DKK3: variants seen among roughly 807,000 people sequenced by gnomAD.
The protein encoded by DKK3 is dickkopf-related protein 3.
In DKK3, 22 loss-of-function variants were observed where a neutral mutation model predicts 33.2. That is an observed-to-expected ratio of 0.66 (90% CI 0.47 to 0.95). The LOEUF (loss-of-function observed/expected upper bound fraction) is 0.95, where lower values mean the gene tolerates loss of function less well. Ranked by LOEUF, DKK3 falls within the 40% of genes least tolerant of loss-of-function variation. The pLI, the probability that DKK3 is intolerant of heterozygous loss-of-function variation, is 0.00. For synonymous variants in DKK3, 194 were observed against 188.8 expected (o/e 1.03, Z -0.23); for missense variants, 398 against 458.4 (o/e 0.87, Z 1.20).
intron 3 of DKK3, among the ~76,000 whole-genome samples, chr11:11,988,705 T>C (rs1848123493): frequency 6.6e-6 from 1 of 152,100 alleles, no homozygotes; most frequent in African/African-American, 2.4e-5. Context: ...GTGGGGCTCA[T>C]AAAGGAGGGT....
At chr11:11,998,802 A>C (rs1392696975) in intron 2 of DKK3, 23 bp from the exon 3 acceptor site, 5 of 1,587,848 alleles carry the variant, frequency 3.1e-6, no homozygotes, top group East Asian at 4.5e-5. Flanking sequence ...AGGTACAATG[A>C]AAGTAAAATA....
At chr11:11,994,457 C>T (rs1661395706) in intron 3 of DKK3, among the ~76,000 whole-genome samples, 1 of 152,142 alleles carries the variant, frequency 6.6e-6, no homozygotes, top group South Asian at 2.1e-4. Flanking sequence ...GGAAGGGCTG[C>T]ATTTCCTGGG....
intron 3 of DKK3, among the ~76,000 whole-genome samples, chr11:11,985,429 G>C (rs1471870544): frequency 6.6e-6 from 1 of 152,128 alleles, no homozygotes; most frequent in Non-Finnish European, 1.5e-5. Flanking sequence ...CTGTAAAATG[G>C]GCATGATAAA....
At chr11:11,966,790 C>T (rs575752193) in intron 5 of DKK3, among the ~76,000 whole-genome samples, 164 bp downstream of exon 5, 7 of 152,262 alleles carry the variant, frequency 4.6e-5, no homozygotes, top group African/African-American at 1.2e-4. Context: ...CTTCCCACTC[C>T]GGGCAGAGGC....
chr11:11,965,542 T>C lies in DKK3; in HGVS notation c.830+267A>G, dbSNP rs142548699. 7.5e-3 allele frequency among the ~76,000 whole-genome samples: 1,140 copies of C among 152,230 alleles called. 18 individuals are homozygous for C. The highest frequency in any genetic ancestry group is 0.026 in the African/African-American group (1,095 of 41,538). On this transcript the variant is annotated intron_variant, in intron 6 of 6. Coordinates refer to ENST00000683431, the MANE Select transcript of DKK3 (RefSeq NM_001018057.2). ...GAGCCCAGGCTTTTCTCCCTCCATGTCCTCTCCATGGACCATCCACTCATG... is the reference window on the plus strand; with the variant it reads ...GAGCCCAGGCTTTTCTCCCTCCATGCCCTCTCCATGGACCATCCACTCATG...
chr11:11,994,514 G>A (rs532630716), intron 3 of DKK3: 1 of 152,238 alleles, frequency 6.6e-6, no homozygotes, highest in Admixed American at 6.5e-5. Flanking sequence ...GTCTCCCCAG[G>A]AGGCAGATCC....
chr11:11,970,789 G>A (rs1037970541), intron 3 of DKK3, among the ~76,000 whole-genome samples: 16 of 152,348 alleles, frequency 1.1e-4, no homozygotes, highest in Admixed American at 9.1e-4. Flanking sequence ...GGGCCAAGGA[G>A]CAGAATCTCT....
intron 2 of DKK3, among the ~76,000 whole-genome samples, chr11:12,001,238 G>A (rs1045993178): frequency 6.6e-6 from 1 of 152,178 alleles, no homozygotes; most frequent in African/African-American, 2.4e-5. Flanking sequence ...CAATGCCAAA[G>A]GATTATGTTC....
At chr11:11,975,643 G>A (rs1229194799) in intron 3 of DKK3, among the ~76,000 whole-genome samples, 2 of 152,208 alleles carry the variant, frequency 1.3e-5, no homozygotes, top group African/African-American at 4.8e-5. Context: ...AGTCAGCAGT[G>A]TGGGTGAAGT....
At chr11:11,982,123 C>A (rs1249986658) in intron 3 of DKK3, among the ~76,000 whole-genome samples, 1 of 152,138 alleles carries the variant, frequency 6.6e-6, no homozygotes, top group African/African-American at 2.4e-5. Context: ...CAATGAACAG[C>A]AGACATCTGG....
chr11:11,996,308 C>G (rs1235475545), intron 3 of DKK3, among the ~76,000 whole-genome samples: 1 of 152,222 alleles, frequency 6.6e-6, no homozygotes, highest in Non-Finnish European at 1.5e-5. Flanking sequence ...TTATCGCTTT[C>G]TATTCAGAAA....
chr11:11,976,419 C>A (rs1477478580), intron 3 of DKK3, among the ~76,000 whole-genome samples: 1 of 152,274 alleles, frequency 6.6e-6, no homozygotes, highest in Non-Finnish European at 1.5e-5. Context: ...CTCGTCCTCA[C>A]ACTATCCTGT....
intron 3 of DKK3, chr11:11,998,360 G>A (rs1050117557): frequency 4.4e-5 from 18 of 407,270 alleles, no homozygotes; most frequent in Non-Finnish European, 7.1e-5. Flanking sequence ...GAGGCTCTGG[G>A]GATTTCACCA....
intron 3 of DKK3, among the ~76,000 whole-genome samples, chr11:11,988,544 G>T (rs1019546804): frequency 6.6e-6 from 1 of 152,164 alleles, no homozygotes; most frequent in Non-Finnish European, 1.5e-5. Flanking sequence ...ACCACAGGTG[G>T]GAATTGATAA....
chr11:11,978,267 T>C (rs1391012011), intron 3 of DKK3, among the ~76,000 whole-genome samples: 3 of 152,080 alleles, frequency 2.0e-5, no homozygotes, highest in Non-Finnish European at 4.4e-5. Flanking sequence ...GACATCAGGG[T>C]GCCTGCTCCT....
At chr11:11,977,166 C>A (rs1248526276) in intron 3 of DKK3, among the ~76,000 whole-genome samples, 1 of 152,194 alleles carries the variant, frequency 6.6e-6, no homozygotes, top group Non-Finnish European at 1.5e-5. Context: ...AAAATGCACC[C>A]CCGAGCAGAG....
At chr11:12,006,677 C>T (rs1297244514) in intron 1 of DKK3, among the ~76,000 whole-genome samples, 2 of 152,136 alleles carry the variant, frequency 1.3e-5, no homozygotes, top group African/African-American at 2.4e-5. Flanking sequence ...TGGAGAAGAC[C>T]CCGTCACTAG....
Position 11,998,722 on chromosome 11 carries a change from C to G in DKK3, c.409G>C (p.Gly137Arg), listed in dbSNP as rs944807694. 1.9e-5 allele frequency: 31 copies of G among 1,614,006 alleles called. No homozygotes were observed. Among genetic ancestry groups the G allele is most frequent in the Admixed American group, 3.3e-5 (2 of 59,992 alleles). Residue 137 changes from glycine (G) to arginine (R), a missense_variant, in exon 3 of 7, where the codon GGA (glycine) becomes CGA (arginine). Transcript: ENST00000683431. ...TGGCTCCTTCTGCCTTCTTCGTCTCCCACAGATGTGATAACTGTCTCTGAA... is the reference window on the plus strand; with the variant it reads ...TGGCTCCTTCTGCCTTCTTCGTCTCGCACAGATGTGATAACTGTCTCTGAA... ...VFSETVITSV[G>R]DEEGRRSHEC...
intron 3 of DKK3, among the ~76,000 whole-genome samples, chr11:11,983,648 G>A (rs1848003859): frequency 6.6e-6 from 1 of 152,238 alleles, no homozygotes; most frequent in African/African-American, 2.4e-5. Flanking sequence ...CAGGACAGAG[G>A]CCTTCTCCAC....
Sources: allele counts gnomAD v4.1 joint callset (sites outside exome capture counted in the v4.1 genomes callset), GRCh38; gene constraint gnomAD v4.1.1; transcripts MANE v1.5; gene names NCBI Gene and HGNC (gene_info 2026-07-23, HGNC 2026-07-21).